C22orf23: variants seen among roughly 807,000 people sequenced by gnomAD.
C22orf23 encodes the protein UPF0193 protein EVG1.
C22orf23 carries 30 observed loss-of-function variants against 29.7 expected under a neutral mutation model. That is an observed-to-expected ratio of 1.01 (90% CI 0.76 to 1.37). C22orf23 has a LOEUF of 1.37. Ranked by LOEUF, C22orf23 falls within the 40% of genes most tolerant of loss-of-function variation. C22orf23 has a pLI of 0.00. For missense variants in C22orf23, 237 were observed against 273.1 expected (o/e 0.87, Z 0.93); for synonymous variants, 90 against 96.1 (o/e 0.94, Z 0.37).
intron 5 of C22orf23, 80 bp from the exon 6 acceptor site, chr22:37,944,597 C>A: frequency 7.9e-7 from 1 of 1,268,466 alleles, no homozygotes; most frequent in South Asian, 1.2e-5. Flanking sequence ...GGAAGTGGTT[C>A]TATTGTCAAA....
Position 37,943,300 on chromosome 22 carries a change from C to G in C22orf23, c.*875G>C, listed in dbSNP as rs1930510794. The G allele has an allele frequency of 1.3e-5, 2 of 152,152 alleles. No homozygotes were observed. The highest frequency in any genetic ancestry group is 2.9e-5 in the Non-Finnish European group (2 of 68,090). 9.4% of individuals were successfully genotyped at this position (152,152 alleles called of 1,614,324 possible). ...GCCTCGCAGATGCACAAGCACGGAG[C>G]TGGTGGGTTTTGCCCAAGAAAGGTC... On this transcript the variant is annotated 3_prime_UTR_variant, in exon 7 of 7. Transcript: ENST00000403305.
chr22:37,953,251 G>C, intron 1 of C22orf23, 93 bp from the exon 2 acceptor site: 1 of 860,788 alleles, frequency 1.2e-6, no homozygotes, highest in Non-Finnish European at 1.8e-6. Context: ...CTGGAAGCGG[G>C]GATCGAGCCA....
At position 37,944,460 on chromosome 22, in the gene C22orf23, T is replaced by C; in HGVS notation, c.539A>G (p.Gln180Arg). 1.2e-6 allele frequency: 2 copies of C among 1,614,204 alleles called. No homozygotes were observed. Among genetic ancestry groups the C allele is most frequent in the Non-Finnish European group, 1.7e-6 (2 of 1,180,050 alleles). ...GATGATTCCTCGGTACTGTTTGCCC[T>C]GTCCCAGGGCCTCCATGTCAGCCAG... ...EFLADMEALG[Q>R]GKQYRGIILA... The change falls in exon 6 of 7, where the codon CAG (glutamine) becomes CGG (arginine). Residue 180 changes from glutamine to arginine, a missense_variant. Coordinates refer to ENST00000403305, the MANE Select transcript of C22orf23 (RefSeq NM_032561.5).
chr22:37,944,039 T>C lies in C22orf23; in HGVS notation c.*136A>G, dbSNP rs1930543413. On this transcript the variant is annotated 3_prime_UTR_variant, in exon 7 of 7. Coordinates refer to ENST00000403305, the MANE Select transcript of C22orf23 (RefSeq NM_032561.5). Reference sequence around the variant, plus strand: ...GGCTGCTGAGTATGCCTTGGGGTACTGCAGGGCAGTGCTATGCCACCACCT... The same window carrying C: ...GGCTGCTGAGTATGCCTTGGGGTACCGCAGGGCAGTGCTATGCCACCACCT... The C allele has an allele frequency of 1.2e-6, 1 of 800,482 alleles. No individual in the cohort carries two copies. The highest frequency in any genetic ancestry group is 2.2e-6 in the Non-Finnish European group (1 of 460,398). 49.6% of individuals were successfully genotyped at this position (800,482 alleles called of 1,614,324 possible).
intron 3 of C22orf23, chr22:37,951,069 A>G (rs2145709346): frequency 6.1e-6 from 1 of 163,122 alleles, no homozygotes; most frequent in South Asian, 1.5e-4. Context: ...AAAATTAGCC[A>G]GGCGTGGTGG....
At chr22:37,944,268 G>A (rs1930557886) in intron 6 of C22orf23, 22 bp from the exon 7 acceptor site, 3 of 1,614,228 alleles carry the variant, frequency 1.9e-6, no homozygotes, top group Non-Finnish European at 2.5e-6. Flanking sequence ...ATCAGGGAAA[G>A]CAGGTGTATC....
At chr22:37,946,258 C>CA (rs770526364) in intron 4 of C22orf23, among the ~76,000 whole-genome samples, 5,925 of 128,744 alleles carry the variant, frequency 0.046, 416 homozygotes, top group African/African-American at 0.15. Context: ...GACTCAGTCT[C>CA]AAAAAAAAAA....
Position 37,953,106 on chromosome 22 carries a change from C to A in C22orf23, c.44G>T (p.Gly15Val). Residue 15 changes from glycine (G) to valine (V), a missense_variant, in exon 2 of 7, where the codon GGG becomes GTG. Transcript: ENST00000403305. ...KQMEVVTKGT[G>V]FRRRPKTITY... ...GATGGTCTTGGGGCGGCGCCGGAAC[C>A]CAGTTCCTTTGGTCACTACCTCCAT... 1 of 1,613,952 alleles carries A rather than the reference C, an allele frequency of 6.2e-7. No individual in the cohort carries two copies. Among genetic ancestry groups the A allele is most frequent in the Non-Finnish European group, 8.5e-7 (1 of 1,179,940 alleles).
At position 37,944,942 on chromosome 22, in the gene C22orf23, G is replaced by C. The variant is rs1005378451; in HGVS notation, c.481+100C>G. The C allele has an allele frequency of 3.3e-5, 39 of 1,166,884 alleles. No homozygotes were observed. In the African/African-American group the frequency reaches 5.9e-4, roughly 18 times the overall value. 72.3% of individuals were successfully genotyped at this position (1,166,884 alleles called of 1,614,324 possible). On this transcript the variant is annotated intron_variant, in intron 5 of 6. Transcript: ENST00000403305. ...AATAAATAGTGTTTCTCACTTGTTG[G>C]CCCTTGGCCCTCAGGGATCCCCTGA... is the stretch of plus-strand genomic sequence containing the variant.
chr22:37,945,238 T>A (rs1406352555), intron 4 of C22orf23, 65 bp from the exon 5 acceptor site: 4 of 1,560,626 alleles, frequency 2.6e-6, no homozygotes, highest in African/African-American at 1.4e-5. Context: ...TGGTCTGTGT[T>A]CCCAAGTGCA....
intron 5 of C22orf23, chr22:37,944,723 A>G: frequency 1.8e-6 from 1 of 569,158 alleles, no homozygotes; most frequent in South Asian, 2.2e-5. Flanking sequence ...ACATGGTGAA[A>G]CCCCGTGTCT....
rs764834634 is a variant in C22orf23, at chr22:37,945,028, C to T, written c.481+14G>A. On this transcript the variant is annotated intron_variant, in intron 5 of 6. Coordinates refer to ENST00000403305, the MANE Select transcript of C22orf23 (RefSeq NM_032561.5). Reference sequence around the variant, plus strand: ...ACCCCCACCCCCAGCATGACTGGTCCGTCGGAGTCTTACGCTCTTCAAATC... The same window carrying T: ...ACCCCCACCCCCAGCATGACTGGTCTGTCGGAGTCTTACGCTCTTCAAATC... The T allele has an allele frequency of 1.1e-5, 18 of 1,583,980 alleles. No homozygotes were observed. Among genetic ancestry groups the T allele is most frequent in the South Asian group, 3.5e-5 (3 of 85,972 alleles).
intron 5 of C22orf23, 27 bp downstream of exon 5, chr22:37,945,015 A>G (rs765987764): frequency 5.1e-6 from 8 of 1,573,082 alleles, no homozygotes; most frequent in Non-Finnish European, 6.9e-6. Context: ...CCCCACCCCC[A>G]GCATGACTGG....
At chr22:37,951,280 T>A in intron 3 of C22orf23, 180 bp downstream of exon 3, 1 of 575,068 alleles carries the variant, frequency 1.7e-6, no homozygotes, top group Non-Finnish European at 3.1e-6. Flanking sequence ...GGTCTTGAAC[T>A]CCTGGGCTTA....
At chr22:37,945,249 C>A in intron 4 of C22orf23, 76 bp from the exon 5 acceptor site, 1 of 1,540,698 alleles carries the variant, frequency 6.5e-7, no homozygotes. Flanking sequence ...CCCAAGTGCA[C>A]GTGCTTGCTG....
chr22:37,944,515 C>G lies in C22orf23; in HGVS notation c.484G>C (p.Val162Leu). ...TCTTTCCTCTCCTGGATTTCCTTCA[C>G]CACTGGACAGAGGAGAGGGCTGTCA... Reference protein sequence around the residue: ...APELDRFEELVKEIQERKEFL... With the variant: ...APELDRFEELLKEIQERKEFL... The change falls in exon 6 of 7, where the codon GTG becomes CTG. Residue 162 changes from valine to leucine, a missense_variant and splice_region_variant. Val to Leu is a conservative substitution (Grantham distance 32). Transcript: ENST00000403305. 6.2e-7 allele frequency: 1 copy of G among 1,613,772 alleles called. No individual in the cohort carries two copies. Among genetic ancestry groups the G allele is most frequent in the Non-Finnish European group, 8.5e-7 (1 of 1,179,860 alleles).
intron 3 of C22orf23, among the ~76,000 whole-genome samples, chr22:37,950,365 G>T (rs1380359406): frequency 6.6e-6 from 1 of 151,996 alleles, no homozygotes. Context: ...GCCCGCCTCA[G>T]CCTCCCAAAG....
Position 37,951,502 on chromosome 22 carries a change from GT to G in C22orf23, c.123del (p.Lys41AsnfsTer2). ...ELLRVMMKES[K>X]LTNIQQRHIM... The stretch of plus-strand genomic sequence containing the variant: ...ATGTGGCGCTGCTGGATGTTCGTCA[GT>G]TTGGATTCCTTCATCATCACTGCAC... On this transcript the variant is annotated frameshift_variant, in exon 3 of 7. Transcript: ENST00000403305. LOFTEE classifies it high-confidence loss of function. 2 of 1,614,036 alleles carry G rather than the reference GT, an allele frequency of 1.2e-6. No individual in the cohort carries two copies. The highest frequency in any genetic ancestry group is 1.7e-6 in the Non-Finnish European group (2 of 1,179,984).
chr22:37,953,207 T>C, intron 1 of C22orf23, 49 bp from the exon 2 acceptor site: 1 of 1,332,454 alleles, frequency 7.5e-7, no homozygotes, highest in Non-Finnish European at 1.1e-6. Context: ...CTGTCCCTAA[T>C]CTCTGTTCCC....
Sources: gnomAD v4.1 joint callset for allele counts (sites outside exome capture counted in the v4.1 genomes callset) on GRCh38, gnomAD v4.1.1 for gene constraint, MANE v1.5 for transcripts, NCBI Gene and HGNC (gene_info 2026-07-23, HGNC 2026-07-21) for gene names.